Variants in LATS2 observed in about 807,000 individuals in gnomAD.
LATS2 encodes the protein serine/threonine-protein kinase LATS2.
A neutral mutation model predicts 76.0 loss-of-function variants in LATS2; 24 were observed. The ratio of observed to expected loss-of-function variants is 0.32; its 90% confidence interval spans 0.23 to 0.44. The LOEUF (loss-of-function observed/expected upper bound fraction) is 0.44. LATS2 is among the 20% of genes least tolerant of loss of function. LATS2 has a pLI of 1.00. For synonymous variants in LATS2, 692 were observed against 635.4 expected (o/e 1.09, Z -1.34); for missense variants, 1,286 against 1,481.2 (o/e 0.87, Z 2.16).
At chr13:21,059,045 A>G (rs1873538236) in intron 1 of LATS2, among the ~76,000 whole-genome samples, 1 of 152,172 alleles carries the variant, frequency 6.6e-6, no homozygotes, top group African/African-American at 2.4e-5. Flanking sequence ...GATTAAGGGA[A>G]GGCCCCTCAT....
Position 20,988,367 on chromosome 13 carries a change from C to T in LATS2, c.1413G>A (p.Pro471=), listed in dbSNP as rs755209445. Residue 471 remains proline, a synonymous_variant, in exon 4 of 8, where the codon CCG becomes CCA. Transcript: ENST00000382592. ...SHPAWVPAPA[P]APAPAPAPAA... ...CCGGGGCGGGGGCGGGGGCGGGGGC[C>T]GGGGCAGGCGCGGGCACCCAGGCGG... 6 of 711,256 alleles carry T rather than the reference C, an allele frequency of 8.4e-6. No homozygotes were observed. In the Admixed American group the frequency reaches 1.6e-4, roughly 19 times the overall value. The allele number at this position is 711,256 out of a possible 1,614,324, so 44.1% of individuals were successfully genotyped here. A position where few individuals can be genotyped will look rare whatever the true frequency, so the allele number is the denominator to read the frequency against.
intron 5 of LATS2, among the ~76,000 whole-genome samples, chr13:20,981,986 A>C (rs534114301): frequency 6.6e-6 from 1 of 152,364 alleles, no homozygotes; most frequent in South Asian, 2.1e-4. Flanking sequence ...CTTAGGCCAT[A>C]ATCAAAAGGT....
chr13:21,013,438 T>C (rs1871677934), intron 2 of LATS2, among the ~76,000 whole-genome samples: 1 of 152,154 alleles, frequency 6.6e-6, no homozygotes, highest in African/African-American at 2.4e-5. Flanking sequence ...CCAGAGTCTG[T>C]GGAAAAAGTC....
intron 7 of LATS2, among the ~76,000 whole-genome samples, chr13:20,979,484 C>T (rs555649985): frequency 1.3e-5 from 2 of 152,012 alleles, no homozygotes; most frequent in African/African-American, 4.8e-5. Flanking sequence ...TAAAATGGGT[C>T]CAATTCCATG....
chr13:21,032,850 G>A (rs1872577629), intron 2 of LATS2, among the ~76,000 whole-genome samples: 1 of 152,176 alleles, frequency 6.6e-6, no homozygotes, highest in South Asian at 2.1e-4. Context: ...GGCTGGCTGG[G>A]GAATGCACTT....
rs769991034 is a variant in LATS2 at position 20,989,065 on chromosome 13, C to T, written c.715G>A (p.Val239Ile). Reference protein sequence around the residue: ...QHPPKGYGASVEAAGAHFPLQ... With the variant: ...QHPPKGYGASIEAAGAHFPLQ... ...GGGAAGTGTGCCCCTGCTGCCTCTACGCTGGCACCGTAGCCCTTGGGTGGG... is the reference window on the plus strand; with the variant it reads ...GGGAAGTGTGCCCCTGCTGCCTCTATGCTGGCACCGTAGCCCTTGGGTGGG... Residue 239 changes from valine to isoleucine, a missense_variant, in exon 4 of 8, where the codon GTA becomes ATA. By Grantham distance (29) the Val-to-Ile change is conservative (BLOSUM62 3). Coordinates refer to ENST00000382592, the MANE Select transcript of LATS2 (RefSeq NM_014572.3). 2 of 1,584,938 alleles carry T rather than the reference C, an allele frequency of 1.3e-6. No homozygotes were observed. Among genetic ancestry groups the T allele is most frequent in the Non-Finnish European group, 1.7e-6 (2 of 1,169,726 alleles).
intron 2 of LATS2, among the ~76,000 whole-genome samples, chr13:20,998,755 G>GCGGGGCCGAGGCGGGA: frequency 6.6e-6 from 1 of 152,364 alleles, no homozygotes; most frequent in South Asian, 2.1e-4. Flanking sequence ...GCGAGGCGGG[G>GCGGGGCCGAGGCGGGA]CGGGGCCCGA....
chr13:20,996,736 A>G (rs1288566122), intron 2 of LATS2, among the ~76,000 whole-genome samples: 2 of 152,126 alleles, frequency 1.3e-5, no homozygotes, highest in African/African-American at 4.8e-5. Flanking sequence ...TTCACACTCC[A>G]TATCAAATTC....
Position 20,974,953 on chromosome 13 carries a change from C to T in LATS2, c.3184G>A (p.Glu1062Lys), listed in dbSNP as rs768744616. ...TCTGAGCTCTCAGCCTGTGAAGCTT[C>T]TGCTCCTGAAGGCTTTGGGCATCGA... is the stretch of plus-strand genomic sequence containing the variant. Reference protein sequence around the residue: ...PFRCPKPSGAEASQAESSDLE... With the variant: ...PFRCPKPSGAKASQAESSDLE... The change falls in exon 8 of 8, where the codon GAA becomes AAA. Residue 1062 changes from glutamate (E) to lysine (K), a missense_variant. Glu to Lys is a moderately conservative substitution (Grantham distance 56). Coordinates refer to ENST00000382592, the MANE Select transcript of LATS2 (RefSeq NM_014572.3). 6.2e-7 allele frequency: 1 copy of T among 1,614,214 alleles called. No individual in the cohort carries two copies. The highest frequency in any genetic ancestry group is 1.1e-5 in the South Asian group (1 of 91,072).
intron 2 of LATS2, among the ~76,000 whole-genome samples, chr13:21,040,749 G>A (rs1279098401): frequency 6.6e-6 from 1 of 152,106 alleles, no homozygotes; most frequent in Non-Finnish European, 1.5e-5. Context: ...CAGGGACGTG[G>A]GGGGCAGCCA....
chr13:20,989,359 T>C (rs1870408930), intron 3 of LATS2, 55 bp from the exon 4 acceptor site: 7 of 1,588,136 alleles, frequency 4.4e-6, no homozygotes, highest in African/African-American at 1.3e-5. Context: ...CAGTGGGTTC[T>C]GGCACTTCCA....
chr13:21,030,858 T>G (rs908668819), intron 2 of LATS2, among the ~76,000 whole-genome samples: 1 of 152,054 alleles, frequency 6.6e-6, no homozygotes, highest in Non-Finnish European at 1.5e-5. Flanking sequence ...TTAGCATTTT[T>G]CCCCCCATAC....
intron 2 of LATS2, among the ~76,000 whole-genome samples, chr13:21,007,674 A>ATATATAGTG (rs1193794116): frequency 0.019 from 112 of 5,942 alleles, 39 homozygotes; most frequent in Non-Finnish European, 0.025. Flanking sequence ...GTGTGTATAT[A>ATATATAGTG]TATATATAGT....
intron 2 of LATS2, among the ~76,000 whole-genome samples, chr13:21,013,977 C>G (rs994012969): frequency 1.5e-5 from 2 of 134,668 alleles, no homozygotes; most frequent in African/African-American, 2.8e-5. Flanking sequence ...AACTTGAAAA[C>G]AAAAGAAGAA....
chr13:21,008,919 A>T (rs1473595244), intron 2 of LATS2, among the ~76,000 whole-genome samples: 1 of 152,226 alleles, frequency 6.6e-6, no homozygotes, highest in Non-Finnish European at 1.5e-5. Flanking sequence ...GGAAAACTGG[A>T]AACTATCTAA....
intron 4 of LATS2, among the ~76,000 whole-genome samples, chr13:20,987,591 C>T (rs1870215027): frequency 6.6e-6 from 1 of 152,198 alleles, no homozygotes; most frequent in South Asian, 2.1e-4. Flanking sequence ...TACCCTAAAA[C>T]TTAATTTGCT....
At chr13:20,982,809 C>T (rs923780051) in intron 5 of LATS2, among the ~76,000 whole-genome samples, 5 of 150,164 alleles carry the variant, frequency 3.3e-5, no homozygotes, top group African/African-American at 1.2e-4. Context: ...CTGACCAACA[C>T]GGAGAAACCC....
Position 20,989,153 on chromosome 13 carries a change from C to T in LATS2, c.627G>A (p.Arg209=). The T allele has an allele frequency of 6.2e-7, 1 of 1,612,286 alleles. No homozygotes were observed. Among genetic ancestry groups the T allele is most frequent in the Non-Finnish European group, 8.5e-7 (1 of 1,179,672 alleles). The change falls in exon 4 of 8, where the codon CGG becomes CGA. Residue 209 remains arginine (R), a synonymous_variant. Transcript: ENST00000382592. ...CGGGGAAAAGGTAGTCCACGTACGG[C>T]CGCGGCATCTCCTCCAGCGCCGTGG... ...DGPTALEEMP[R]PYVDYLFPGV... is the part of the protein sequence containing the mutation.
At chr13:20,983,094 TAA>T (rs1565942467) in intron 5 of LATS2, 128 bp downstream of exon 5, 1 of 619,112 alleles carries the variant, frequency 1.6e-6, no homozygotes, top group African/African-American at 1.9e-5. Flanking sequence ...CACCAATTTA[TAA>T]AATAATGGAG....
Sources: gnomAD v4.1 joint callset for allele counts (sites outside exome capture counted in the v4.1 genomes callset) on GRCh38, gnomAD v4.1.1 for gene constraint, MANE v1.5 for transcripts, NCBI Gene and HGNC (gene_info 2026-07-23, HGNC 2026-07-21) for gene names.